The following TNFRSF13B variants were observed in gnomAD, a reference collection of about 807,000 sequenced individuals.
TNFRSF13B encodes TNF receptor superfamily member 13B, also known as tumor necrosis factor receptor superfamily member 13B.
A neutral mutation model predicts 24.0 loss-of-function variants in TNFRSF13B; 34 were observed. The observed-to-expected ratio is 1.41, with a 90% CI of 1.08 to 1.88. TNFRSF13B has a LOEUF of 1.88. TNFRSF13B is among the 40% of genes most tolerant of loss of function. The pLI is 0.00. For synonymous variants in TNFRSF13B, 173 were observed against 150.3 expected (o/e 1.15, Z -1.10); for missense variants, 415 against 380.8 (o/e 1.09, Z -0.75).
chr17:16,967,940 A>C (rs1465226771), intron 1 of TNFRSF13B, among the ~76,000 whole-genome samples: 1 of 151,424 alleles, frequency 6.6e-6, no homozygotes, highest in Non-Finnish European at 1.5e-5. Flanking sequence ...GATTGAGACC[A>C]TCCTGGCTAA....
In TNFRSF13B at chr17:16,958,976, A is replaced by G. The variant is rs1374620679; in HGVS notation, c.62-6393T>C. Among the ~76,000 whole-genome samples the G allele has an allele frequency of 2.0e-5, 3 of 152,196 alleles. No homozygotes were observed. The East Asian group carries it at 5.8e-4, about 29-fold the overall frequency. On this transcript the variant is annotated intron_variant, in intron 1 of 4. Coordinates refer to ENST00000261652, the MANE Select transcript of TNFRSF13B (RefSeq NM_012452.3). ...TAAACCAATTAGACATCACAGACATATAGACAACGCTCAATGCAACAACAG... is the reference window on the plus strand; with the variant it reads ...TAAACCAATTAGACATCACAGACATGTAGACAACGCTCAATGCAACAACAG...
At chr17:16,970,281 C>G (rs2143693775) in intron 1 of TNFRSF13B, among the ~76,000 whole-genome samples, 1 of 152,272 alleles carries the variant, frequency 6.6e-6, no homozygotes, top group African/African-American at 2.4e-5. Context: ...CTGACACTAG[C>G]TGTGTGGGCT....
chr17:16,950,917 A>G (rs1350940087), intron 2 of TNFRSF13B, among the ~76,000 whole-genome samples: 1 of 151,788 alleles, frequency 6.6e-6, no homozygotes, highest in African/African-American at 2.4e-5. Flanking sequence ...CTCTAGGGAC[A>G]CCTCCCTGCT....
At chr17:16,955,297 G>A (rs2087617000) in intron 1 of TNFRSF13B, among the ~76,000 whole-genome samples, 1 of 152,218 alleles carries the variant, frequency 6.6e-6, no homozygotes, top group Non-Finnish European at 1.5e-5. Flanking sequence ...ACGAAGACAC[G>A]CGGGAAACAG....
intron 3 of TNFRSF13B, chr17:16,941,270 C>T: frequency 2.0e-6 from 2 of 987,802 alleles, no homozygotes; most frequent in South Asian, 4.7e-5. Context: ...GAGAGTAGGA[C>T]AGGCGACGTT....
chr17:16,971,280 C>T lies in TNFRSF13B; in HGVS notation c.61+735G>A, dbSNP rs145596721. The stretch of plus-strand genomic sequence containing the variant: ...AGGAGAATGGCTTGAACCCGGGAGG[C>T]GGAGGTTGCAGAAAGCCGAGATCAT... On this transcript the variant is annotated intron_variant, in intron 1 of 4. Transcript: ENST00000261652. Among the ~76,000 whole-genome samples, 997 of 151,864 alleles carry T rather than the reference C, an allele frequency of 6.6e-3. 11 individuals carry two copies. The highest frequency in any genetic ancestry group is 0.023 in the African/African-American group (948 of 41,378).
At chr17:16,967,555 C>T (rs948035186) in intron 1 of TNFRSF13B, among the ~76,000 whole-genome samples, 1 of 150,652 alleles carries the variant, frequency 6.6e-6, no homozygotes, top group East Asian at 2.0e-4. Context: ...GCTAACCTGA[C>T]CTAACATAGT....
intron 3 of TNFRSF13B, among the ~76,000 whole-genome samples, chr17:16,943,371 G>T (rs1567650621): frequency 6.6e-6 from 1 of 152,202 alleles, no homozygotes; most frequent in Non-Finnish European, 1.5e-5. Context: ...ATTCCCAGAA[G>T]GGGTCACGGG....
At chr17:16,943,481 C>T (rs1322607954) in intron 3 of TNFRSF13B, among the ~76,000 whole-genome samples, 1 of 152,282 alleles carries the variant, frequency 6.6e-6, no homozygotes, top group African/African-American at 2.4e-5. Context: ...AATGCACTGT[C>T]CTTCTGTCCC....
intron 3 of TNFRSF13B, among the ~76,000 whole-genome samples, chr17:16,946,586 TTA>T (rs71886781): frequency 0.052 from 7,448 of 144,138 alleles, 211 homozygotes; most frequent in South Asian, 0.12. Flanking sequence ...TTTTATTTAT[TTA>T]TTTATTTATT....
At chr17:16,962,697 A>T (rs2143679773) in intron 1 of TNFRSF13B, among the ~76,000 whole-genome samples, 1 of 152,228 alleles carries the variant, frequency 6.6e-6, no homozygotes, top group Admixed American at 6.5e-5. Flanking sequence ...GAGCCATTAG[A>T]CCATTGTCAG....
intron 2 of TNFRSF13B, among the ~76,000 whole-genome samples, chr17:16,949,866 A>G (rs1275996421): frequency 6.6e-6 from 1 of 151,824 alleles, no homozygotes; most frequent in Non-Finnish European, 1.5e-5. Context: ...TTGTATTTTT[A>G]GTAGAGATGG....
chr17:16,968,868 A>C (rs1400861779), intron 1 of TNFRSF13B, among the ~76,000 whole-genome samples: 1 of 152,354 alleles, frequency 6.6e-6, no homozygotes, highest in South Asian at 2.1e-4. Flanking sequence ...AGGCAACCCA[A>C]TTTTTATATG....
At chr17:16,969,857 A>C (rs543909337) in intron 1 of TNFRSF13B, among the ~76,000 whole-genome samples, 1 of 152,196 alleles carries the variant, frequency 6.6e-6, no homozygotes, top group Admixed American at 6.5e-5. Context: ...ACAAAATTAA[A>C]GGCAGACCCG....
At chr17:16,946,175 G>A (rs995931256) in intron 3 of TNFRSF13B, among the ~76,000 whole-genome samples, 4 of 152,232 alleles carry the variant, frequency 2.6e-5, no homozygotes, top group African/African-American at 9.6e-5. Flanking sequence ...GGACAACAGG[G>A]TGCTGGGCAA....
At chr17:16,951,545 G>C (rs1182450455) in intron 2 of TNFRSF13B, among the ~76,000 whole-genome samples, 1 of 152,188 alleles carries the variant, frequency 6.6e-6, no homozygotes, top group African/African-American at 2.4e-5. Flanking sequence ...AGGTTTTCGT[G>C]GTCCAGTATC....
At position 16,954,056 on chromosome 17, in the gene TNFRSF13B, C is replaced by T. The variant is rs566627665; in HGVS notation, c.62-1473G>A. ...CTGGGATTATAGGCATGAGCCACCACGCCCAGTGGCATGTGTTTGTTCTTT... is the reference window on the plus strand; with the variant it reads ...CTGGGATTATAGGCATGAGCCACCATGCCCAGTGGCATGTGTTTGTTCTTT... On this transcript the variant is annotated intron_variant, in intron 1 of 4. Coordinates refer to ENST00000261652, the MANE Select transcript of TNFRSF13B (RefSeq NM_012452.3). Among the ~76,000 whole-genome samples, 5 of 152,362 alleles carry T rather than the reference C, an allele frequency of 3.3e-5. No individual in the cohort carries two copies. The East Asian group carries it at 9.6e-4, about 29-fold the overall frequency.
chr17:16,949,683 C>T (rs972580934), intron 2 of TNFRSF13B, among the ~76,000 whole-genome samples: 156 of 148,070 alleles, frequency 1.1e-3, no homozygotes, highest in African/African-American at 3.4e-3. Context: ...CAGAATATTT[C>T]TAATTTTTTT....
intron 1 of TNFRSF13B, among the ~76,000 whole-genome samples, chr17:16,967,475 C>T (rs2087709760): frequency 6.6e-6 from 1 of 151,916 alleles, no homozygotes; most frequent in Non-Finnish European, 1.5e-5. Context: ...AGAAACCAGG[C>T]CGGGCGCAGT....
Sources: gnomAD v4.1 joint callset for allele counts (sites outside exome capture counted in the v4.1 genomes callset) on GRCh38, gnomAD v4.1.1 for gene constraint, MANE v1.5 for transcripts, NCBI Gene and HGNC (gene_info 2026-07-23, HGNC 2026-07-21) for gene names.